Variants in STAU1 observed in about 807,000 individuals in gnomAD.
STAU1 encodes double-stranded RNA-binding protein Staufen homolog 1.
A neutral mutation model predicts 62.9 loss-of-function variants in STAU1; 13 were observed. The observed-to-expected ratio is 0.21, with a 90% CI of 0.13 to 0.33. The LOEUF is 0.33. Ranked by LOEUF, STAU1 falls within the 10% of genes least tolerant of loss-of-function variation. STAU1 has a pLI of 1.00. For missense variants in STAU1, 571 were observed against 712.1 expected (o/e 0.80, Z 2.25); for synonymous variants, 269 against 265.1 (o/e 1.01, Z -0.14).
At chr20:49,218,213 C>A in the STAU1 span, among the ~76,000 whole-genome samples, 3 of 147,478 alleles carry the variant, frequency 2.0e-5, no homozygotes, top group East Asian at 6.2e-4. Context: ...TTCCATCACT[C>A]CCTACAAAGC....
chr20:49,168,091 T>TG (rs1568918367), intron 2 of STAU1, among the ~76,000 whole-genome samples: 2 of 152,022 alleles, frequency 1.3e-5, no homozygotes, highest in African/African-American at 4.8e-5. Flanking sequence ...TTTAATTTTT[T>TG]TTTTTTTTTT....
chr20:49,130,352 G>A (rs554921077), intron 6 of STAU1, among the ~76,000 whole-genome samples: 40 of 152,286 alleles, frequency 2.6e-4, no homozygotes, highest in African/African-American at 5.5e-4. Flanking sequence ...TTTACTGGGT[G>A]GGAGATGTTC....
At chr20:49,196,917 G>A in the STAU1 span, among the ~76,000 whole-genome samples, 1 of 152,172 alleles carries the variant, frequency 6.6e-6, no homozygotes, top group Admixed American at 6.6e-5. Context: ...AGCACTTTGG[G>A]AGGCCGAGGC....
chr20:49,132,683 C>T (rs1239932930), intron 6 of STAU1, among the ~76,000 whole-genome samples: 2 of 152,072 alleles, frequency 1.3e-5, no homozygotes, highest in South Asian at 2.1e-4. Context: ...TGCTTGAAGC[C>T]AGGAGGTGGA....
chr20:49,151,554 G>A (rs374407657), intron 5 of STAU1, 28 bp downstream of exon 5: 40 of 1,563,954 alleles, frequency 2.6e-5, no homozygotes, highest in East Asian at 4.6e-5. Context: ...CTGTCGAAGC[G>A]TCAGGGAGCC....
At chr20:49,196,031 G>A in the STAU1 span, among the ~76,000 whole-genome samples, 1 of 150,584 alleles carries the variant, frequency 6.6e-6, no homozygotes, top group African/African-American at 2.4e-5. Flanking sequence ...TTGAGGTCAG[G>A]AGAATAGCCT....
chr20:49,133,702 C>A (rs2092805008), intron 6 of STAU1, among the ~76,000 whole-genome samples: 1 of 152,186 alleles, frequency 6.6e-6, no homozygotes, highest in African/African-American at 2.4e-5. Flanking sequence ...CATGTCGGTG[C>A]TCTGGACTCC....
chr20:49,140,025 A>C (rs1160535329), intron 5 of STAU1, among the ~76,000 whole-genome samples: 1 of 151,898 alleles, frequency 6.6e-6, no homozygotes, highest in Non-Finnish European at 1.5e-5. Context: ...ATCTCTACTA[A>C]AAATACAAAA....
At chr20:49,140,927 T>A (rs934159607) in intron 5 of STAU1, among the ~76,000 whole-genome samples, 6 of 151,494 alleles carry the variant, frequency 4.0e-5, no homozygotes, top group African/African-American at 1.5e-4. Context: ...AGAATAAAGC[T>A]TGACAGCTGT....
At chr20:49,202,123 G>T in the STAU1 span, among the ~76,000 whole-genome samples, 1 of 151,202 alleles carries the variant, frequency 6.6e-6, no homozygotes, top group Non-Finnish European at 1.5e-5. Flanking sequence ...AGGAGGCTGA[G>T]GCAGGAGAAT....
chr20:49,148,491 G>GT (rs1368506222), intron 5 of STAU1, among the ~76,000 whole-genome samples: 1 of 152,228 alleles, frequency 6.6e-6, no homozygotes, highest in Non-Finnish European at 1.5e-5. Flanking sequence ...AGCGTTTAGG[G>GT]TAAGGGATAT....
At chr20:49,141,089 G>A (rs886941389) in intron 5 of STAU1, among the ~76,000 whole-genome samples, 1 of 151,792 alleles carries the variant, frequency 6.6e-6, no homozygotes, top group Non-Finnish European at 1.5e-5. Context: ...TCAGACTGTC[G>A]TAAGACTTTG....
intron 8 of STAU1, among the ~76,000 whole-genome samples, chr20:49,122,431 ACT>A (rs2092484550): frequency 6.6e-6 from 1 of 152,018 alleles, no homozygotes; most frequent in Non-Finnish European, 1.5e-5. Flanking sequence ...CCACCCCAGG[ACT>A]CTTTCTTCCA....
At chr20:49,218,657 C>G in the STAU1 span, among the ~76,000 whole-genome samples, 551 of 152,208 alleles carry the variant, frequency 3.6e-3, 3 homozygotes, top group African/African-American at 0.013. Flanking sequence ...CCCAAAGTGC[C>G]GTGACTAAAG....
At chr20:49,141,871 A>T (rs1209236625) in intron 5 of STAU1, among the ~76,000 whole-genome samples, 7 of 152,176 alleles carry the variant, frequency 4.6e-5, no homozygotes, top group African/African-American at 1.7e-4. Context: ...TTAAATGAAT[A>T]TAATTTGGTG....
chr20:49,147,045 C>T (rs925611452), intron 5 of STAU1, among the ~76,000 whole-genome samples: 1 of 152,164 alleles, frequency 6.6e-6, no homozygotes, highest in African/African-American at 2.4e-5. Flanking sequence ...TAACTTGGGG[C>T]CTTTGCAACT....
intron 12 of STAU1, 139 bp from the exon 13 acceptor site, chr20:49,116,006 A>G (rs1346341722): frequency 4.9e-6 from 3 of 614,244 alleles, no homozygotes; most frequent in Non-Finnish European, 8.7e-6. Flanking sequence ...TACTAAATAA[A>G]ACTTTGAATT....
At chr20:49,183,368 T>C (rs1055187268) in intron 1 of STAU1, among the ~76,000 whole-genome samples, 7 of 152,188 alleles carry the variant, frequency 4.6e-5, no homozygotes, top group Non-Finnish European at 8.8e-5. Flanking sequence ...AGATCCAATT[T>C]AGAGGCTCAT....
At chr20:49,123,515 T>C (rs763909755) in intron 7 of STAU1, among the ~76,000 whole-genome samples, 14 of 152,158 alleles carry the variant, frequency 9.2e-5, no homozygotes, top group Non-Finnish European at 1.5e-4. Context: ...TTTCAACATA[T>C]GACAGTAAAT....
Sources: gnomAD v4.1 joint callset for allele counts (sites outside exome capture counted in the v4.1 genomes callset) on GRCh38, gnomAD v4.1.1 for gene constraint, MANE v1.5 for transcripts, NCBI Gene and HGNC (gene_info 2026-07-23, HGNC 2026-07-21) for gene names.